Variants in PCNX1 observed in about 807,000 individuals in gnomAD.
PCNX1 encodes the protein pecanex 1.
In PCNX1, 78 loss-of-function variants were observed where a neutral mutation model predicts 242.2. The observed-to-expected ratio is 0.32, with a 90% confidence interval of 0.27 to 0.39. PCNX1 has a LOEUF of 0.39. Ranked by LOEUF, PCNX1 falls within the 10% of genes least tolerant of loss-of-function variation. PCNX1 has a pLI of 1.00. For missense variants in PCNX1, 2,581 were observed against 2,856.5 expected (o/e 0.90, Z 2.20); for synonymous variants, 1,024 against 1,032.9 (o/e 0.99, Z 0.17).
intron 5 of PCNX1, 40 bp downstream of exon 5, chr14:70,969,150 G>A (rs745711342): frequency 1.7e-6 from 2 of 1,143,854 alleles, no homozygotes; most frequent in South Asian, 2.5e-5. Flanking sequence ...ATATACTGTG[G>A]TGACCAGAGT....
intron 1 of PCNX1, among the ~76,000 whole-genome samples, chr14:70,913,486 A>G (rs936068577): frequency 6.6e-6 from 1 of 152,228 alleles, no homozygotes; most frequent in Non-Finnish European, 1.5e-5. Flanking sequence ...CTGTGTGGTT[A>G]TACATACATA....
intron 10 of PCNX1, 123 bp from the exon 11 acceptor site, chr14:71,012,862 G>A: frequency 1.5e-6 from 1 of 676,758 alleles, no homozygotes. Context: ...GAAAATTAAA[G>A]GGCTTAGATA....
chr14:71,026,110 T>G lies in PCNX1; in HGVS notation c.3184-7T>G. On this transcript the variant is annotated splice_polypyrimidine_tract_variant and splice_region_variant and intron_variant, in intron 13 of 35. Coordinates refer to ENST00000304743, the MANE Select transcript of PCNX1 (RefSeq NM_014982.3). ...CCAAACTGACTTTTAAAAAATATCATTTTCAGGGTCATAATCGTATCATTG... is the reference window on the plus strand; with the variant it reads ...CCAAACTGACTTTTAAAAAATATCAGTTTCAGGGTCATAATCGTATCATTG... The G allele has an allele frequency of 6.5e-7, 1 of 1,537,330 alleles. No homozygotes were observed. The highest frequency in any genetic ancestry group is 8.8e-7 in the Non-Finnish European group (1 of 1,135,770).
chr14:71,004,293 G>T (rs924256965), intron 8 of PCNX1, among the ~76,000 whole-genome samples: 1 of 152,140 alleles, frequency 6.6e-6, no homozygotes, highest in Non-Finnish European at 1.5e-5. Context: ...TAACCCAGGG[G>T]TCCCCAACTC....
chr14:70,924,647 C>T (rs2056516410), intron 1 of PCNX1, among the ~76,000 whole-genome samples: 4 of 152,060 alleles, frequency 2.6e-5, no homozygotes, highest in Admixed American at 1.3e-4. Flanking sequence ...GAGTGCATGG[C>T]GTGATCATGG....
intron 7 of PCNX1, 59 bp downstream of exon 7, chr14:70,988,758 TC>T: frequency 6.5e-7 from 1 of 1,540,462 alleles, no homozygotes; most frequent in Admixed American, 1.8e-5. Flanking sequence ...TCTAATCTGT[TC>T]CGCCAGTCCC....
At chr14:71,027,320 A>G (rs962278143) in intron 15 of PCNX1, 2 of 152,220 alleles carry the variant, frequency 1.3e-5, no homozygotes, top group Non-Finnish European at 2.9e-5. Flanking sequence ...GAATGGTAAC[A>G]CCAAAACCAG....
Position 71,060,110 on chromosome 14 carries a change from G to A in PCNX1, c.4852+2386G>A, listed in dbSNP as rs565174636. 2.0e-5 allele frequency among the ~76,000 whole-genome samples: 3 copies of A among 152,282 alleles called. No individual in the cohort carries two copies. In the South Asian group the frequency reaches 6.2e-4, roughly 32 times the overall value. On this transcript the variant is annotated intron_variant, in intron 26 of 35. Transcript: ENST00000304743. ...GATTCTTACACAGTCATGGACTGCA[G>A]CAATGGACTGCACATATCACAATGG... is the stretch of plus-strand genomic sequence containing the variant.
intron 19 of PCNX1, 72 bp downstream of exon 19, chr14:71,036,229 A>AGT (rs59651155): frequency 0.1 from 98,980 of 966,968 alleles, 6,884 homozygotes; most frequent in Admixed American, 0.22. Context: ...CCCAGGCTGG[A>AGT]GTGCAGTGTT....
At chr14:70,948,022 G>A (rs780876831) in intron 2 of PCNX1, among the ~76,000 whole-genome samples, 3 of 152,154 alleles carry the variant, frequency 2.0e-5, no homozygotes, top group East Asian at 3.8e-4. Context: ...CCAGCCTGGC[G>A]AAATTGTAGG....
chr14:71,029,065 G>A (rs2060312715), intron 16 of PCNX1, among the ~76,000 whole-genome samples: 1 of 151,734 alleles, frequency 6.6e-6, no homozygotes, highest in Admixed American at 6.6e-5. Context: ...CTGGTATAAG[G>A]GTAGGCATAG....
In PCNX1 at chr14:71,013,179, C is replaced by T; in HGVS notation, c.2973C>T (p.Leu991=). The change falls in exon 11 of 36, where the codon CTC becomes CTT. Residue 991 remains leucine, a synonymous_variant. Coordinates refer to ENST00000304743, the MANE Select transcript of PCNX1 (RefSeq NM_014982.3). ...GGATTGGCATTAACTTTGACAGACT[C>T]ACACTTTTGGCCCTGTTTGATAGGT... ...QLWIGINFDR[L]TLLALFDRNR... is the part of the protein sequence containing the mutation. 6.2e-7 allele frequency: 1 copy of T among 1,613,740 alleles called. No homozygotes were observed. Among genetic ancestry groups the T allele is most frequent in the East Asian group, 2.2e-5 (1 of 44,860 alleles).
chr14:71,003,080 C>CTTTTTTTTTTTTTTTTTT lies in PCNX1; in HGVS notation c.2630-6551_2630-6534dup. Among the ~76,000 whole-genome samples, 175 of 95,464 alleles carry CTTTTTTTTTTTTTTTTTT rather than the reference C, an allele frequency of 1.8e-3. 21 individuals are homozygous for CTTTTTTTTTTTTTTTTTT. Among genetic ancestry groups the CTTTTTTTTTTTTTTTTTT allele is most frequent in the African/African-American group, 6.3e-3 (135 of 21,294 alleles). The allele number at this position is 95,464 out of a possible 152,430, so 62.6% of individuals were successfully genotyped here. On this transcript the variant is annotated intron_variant, in intron 8 of 35. Coordinates refer to ENST00000304743, the MANE Select transcript of PCNX1 (RefSeq NM_014982.3). Reference sequence around the variant, plus strand: ...TAAAAATCGGGTTGTTGGTTGTCTTCTTTTTTTTTTTTTTTTTTTTGAGAC... The same window carrying CTTTTTTTTTTTTTTTTTT: ...TAAAAATCGGGTTGTTGGTTGTCTTCTTTTTTTTTTTTTTTTTTTTTTTTTTTTTTTTTTTTTTGAGAC...
At chr14:70,962,476 A>G (rs894588998) in intron 3 of PCNX1, 145 bp downstream of exon 3, 7 of 556,574 alleles carry the variant, frequency 1.3e-5, no homozygotes, top group Non-Finnish European at 2.2e-5. Context: ...TCTTTTATTA[A>G]TATTCTTTTT....
At chr14:71,012,737 G>A (rs2059855686) in intron 10 of PCNX1, 1 of 400,946 alleles carries the variant, frequency 2.5e-6, no homozygotes, top group Non-Finnish European at 4.6e-6. Flanking sequence ...GGAGGCTGAG[G>A]CAGAGAATTG....
At chr14:71,033,883 G>A (rs780391016) in intron 17 of PCNX1, 48 bp from the exon 18 acceptor site, 3 of 989,684 alleles carry the variant, frequency 3.0e-6, no homozygotes, top group African/African-American at 1.7e-5. Flanking sequence ...TGAATTACTG[G>A]TTTTCAGATT....
chr14:71,076,627 T>G (rs1017524628), intron 28 of PCNX1, among the ~76,000 whole-genome samples: 3 of 152,200 alleles, frequency 2.0e-5, no homozygotes, highest in Non-Finnish European at 4.4e-5. Flanking sequence ...TTCTTTCATT[T>G]GCAGTGTCCC....
chr14:71,017,742 A>G (rs1165721199), intron 11 of PCNX1, among the ~76,000 whole-genome samples: 5 of 152,238 alleles, frequency 3.3e-5, no homozygotes, highest in Admixed American at 3.3e-4. Flanking sequence ...AGGATTGAAA[A>G]GAGGTCATTG....
intron 20 of PCNX1, among the ~76,000 whole-genome samples, chr14:71,046,215 G>C (rs985457203): frequency 6.6e-6 from 1 of 151,976 alleles, no homozygotes; most frequent in African/African-American, 2.4e-5. Flanking sequence ...AACTCAGAAT[G>C]AGATATGTTT....
Sources: allele counts gnomAD v4.1 joint callset (sites outside exome capture counted in the v4.1 genomes callset), GRCh38; gene constraint gnomAD v4.1.1; transcripts MANE v1.5; gene names NCBI Gene and HGNC (gene_info 2026-07-23, HGNC 2026-07-21).